The following CPEB3 variants were observed in gnomAD, a reference collection of about 807,000 sequenced individuals.
CPEB3 encodes cytoplasmic polyadenylation element-binding protein 3.
Under a neutral mutation model 67.2 loss-of-function variants are expected in CPEB3, and 20 were observed. The observed-to-expected ratio is 0.30, with a 90% CI of 0.21 to 0.43. CPEB3 has a LOEUF of 0.43. CPEB3 is among the 20% of genes least tolerant of loss of function. CPEB3 has a pLI of 1.00. For synonymous variants in CPEB3, 376 were observed against 393.1 expected, an observed-to-expected ratio of 0.96 and a Z score of 0.51; for missense variants, 746 against 968.6, an observed-to-expected ratio of 0.77 and a Z score of 3.05.
At chr10:92,131,249 G>A (rs1183299613) in intron 6 of CPEB3, among the ~76,000 whole-genome samples, 1 of 152,120 alleles carries the variant, frequency 6.6e-6, no homozygotes, top group African/African-American at 2.4e-5. Flanking sequence ...CCTAACCTCA[G>A]CTATAAAATG....
chr10:92,240,351 G>A lies in CPEB3; in HGVS notation c.-1C>T, dbSNP rs1218185712. Reference sequence around the variant, plus strand: ...TGTCCATCAGTAAATCATCCTGCATGGTTTGCGCAGCTGAAACGGGAAAAA... The same window carrying A: ...TGTCCATCAGTAAATCATCCTGCATAGTTTGCGCAGCTGAAACGGGAAAAA... On this transcript the variant is annotated 5_prime_UTR_variant, in exon 2 of 10. Coordinates refer to ENST00000265997, the MANE Select transcript of CPEB3 (RefSeq NM_014912.5). 23 of 1,451,094 alleles carry A rather than the reference G, an allele frequency of 1.6e-5. No homozygotes were observed. The highest frequency in any genetic ancestry group is 2.1e-5 in the Non-Finnish European group (23 of 1,098,940). 89.9% of individuals were successfully genotyped at this position (1,451,094 alleles called of 1,614,324 possible). A position where few individuals can be genotyped will look rare whatever the true frequency, so the allele number is the denominator to read the frequency against.
chr10:92,104,676 A>G (rs1037302190), intron 7 of CPEB3, among the ~76,000 whole-genome samples: 4 of 151,946 alleles, frequency 2.6e-5, no homozygotes, highest in African/African-American at 9.7e-5. Context: ...GTGAGGCACC[A>G]CGCCCGGCTG....
At chr10:92,127,084 A>C (rs1273124503) in intron 6 of CPEB3, among the ~76,000 whole-genome samples, 3 of 152,220 alleles carry the variant, frequency 2.0e-5, no homozygotes, top group African/African-American at 7.2e-5. Flanking sequence ...CTGGAAAAAA[A>C]GTCAGAAAAA....
chr10:92,264,149 T>C (rs865797492), intron 1 of CPEB3, among the ~76,000 whole-genome samples: 1 of 151,850 alleles, frequency 6.6e-6, no homozygotes, highest in South Asian at 2.1e-4. Context: ...GACAACATGG[T>C]AAAACCCTGT....
At chr10:92,283,722 C>CTTTTTT (rs869248048) in intron 1 of CPEB3, among the ~76,000 whole-genome samples, 63 of 108,936 alleles carry the variant, frequency 5.8e-4, no homozygotes, top group East Asian at 1.1e-3. Flanking sequence ...CTTTTTCTTT[C>CTTTTTT]TTTTTTTTTT....
At chr10:92,096,804 G>A (rs1041128889) in intron 7 of CPEB3, among the ~76,000 whole-genome samples, 7 of 152,138 alleles carry the variant, frequency 4.6e-5, no homozygotes, top group East Asian at 3.9e-4. Context: ...TTAGCTGGGC[G>A]TGGTGGCAGG....
chr10:92,095,825 C>T (rs186305558), intron 7 of CPEB3, among the ~76,000 whole-genome samples: 78 of 151,658 alleles, frequency 5.1e-4, no homozygotes, highest in Non-Finnish European at 9.4e-4. Context: ...AAAACTGGTC[C>T]TCCGTATCTG....
intron 2 of CPEB3, among the ~76,000 whole-genome samples, chr10:92,223,749 ATTTT>A (rs377483708): frequency 9.0e-6 from 1 of 111,440 alleles, no homozygotes; most frequent in Admixed American, 9.3e-5. Context: ...AATTTTTGTA[ATTTT>A]TTTTTTTTTT....
At chr10:92,137,295 G>A in intron 6 of CPEB3, 1 of 666,280 alleles carries the variant, frequency 1.5e-6, no homozygotes, top group Non-Finnish European at 2.6e-6. Context: ...AGAAACTACA[G>A]ATGGAAGTTC....
chr10:92,135,831 A>T (rs1457799725), intron 6 of CPEB3, among the ~76,000 whole-genome samples: 1 of 152,218 alleles, frequency 6.6e-6, no homozygotes, highest in East Asian at 1.9e-4. Context: ...CTATGTAGCC[A>T]TAAAAAAGGA....
chr10:92,128,464 C>T (rs1050536915), intron 6 of CPEB3, among the ~76,000 whole-genome samples: 1 of 152,136 alleles, frequency 6.6e-6, no homozygotes, highest in South Asian at 2.1e-4. Flanking sequence ...GTACAAACTC[C>T]TTGAAAGGTG....
chr10:92,053,360 T>A (rs572313775), intron 9 of CPEB3, among the ~76,000 whole-genome samples: 36 of 151,780 alleles, frequency 2.4e-4, no homozygotes, highest in South Asian at 6.2e-4. Context: ...CTTTATCATT[T>A]TTTTTTTTAA....
chr10:92,182,633 C>A (rs994041567), intron 3 of CPEB3, among the ~76,000 whole-genome samples: 1 of 152,066 alleles, frequency 6.6e-6, no homozygotes, highest in Non-Finnish European at 1.5e-5. Flanking sequence ...AGAGACCAGC[C>A]TGGCCAACAT....
chr10:92,080,044 C>T (rs1485989035), intron 9 of CPEB3, among the ~76,000 whole-genome samples: 2 of 137,298 alleles, frequency 1.5e-5, no homozygotes, highest in Non-Finnish European at 3.2e-5. Context: ...ACTAAAAATA[C>T]AAAAAAAAAA....
At chr10:92,220,146 G>T (rs1054303947) in intron 2 of CPEB3, among the ~76,000 whole-genome samples, 1 of 150,878 alleles carries the variant, frequency 6.6e-6, no homozygotes, top group African/African-American at 2.4e-5. Flanking sequence ...TAAAGATTCC[G>T]TCTCAAAAAA....
chr10:92,116,324 A>C (rs1238990487), intron 6 of CPEB3, among the ~76,000 whole-genome samples: 1 of 151,628 alleles, frequency 6.6e-6, no homozygotes, highest in Non-Finnish European at 1.5e-5. Context: ...TTGGTGAATA[A>C]AGAGAAGTAA....
intron 1 of CPEB3, among the ~76,000 whole-genome samples, chr10:92,265,726 C>A (rs1262758770): frequency 4.7e-5 from 6 of 128,822 alleles, no homozygotes; most frequent in Admixed American, 3.4e-4. Flanking sequence ...TCAGCCTGGG[C>A]AACAAGAGCA....
At chr10:92,210,571 C>T (rs1850028590) in intron 2 of CPEB3, among the ~76,000 whole-genome samples, 1 of 152,172 alleles carries the variant, frequency 6.6e-6, no homozygotes, top group African/African-American at 2.4e-5. Flanking sequence ...CGCACACATA[C>T]ACACTTTAAG....
At chr10:92,173,655 C>G (rs1028287112) in intron 4 of CPEB3, among the ~76,000 whole-genome samples, 5 of 152,162 alleles carry the variant, frequency 3.3e-5, no homozygotes, top group Non-Finnish European at 7.4e-5. Context: ...AGAGGCTCTG[C>G]TCCTAGCTCC....
Sources: gnomAD v4.1 joint callset for allele counts (sites outside exome capture counted in the v4.1 genomes callset) on GRCh38, gnomAD v4.1.1 for gene constraint, MANE v1.5 for transcripts, NCBI Gene and HGNC (gene_info 2026-07-23, HGNC 2026-07-21) for gene names.